Variants in CATSPERT observed in about 807,000 individuals in gnomAD.
CATSPERT encodes the protein catsper channel auxiliary subunit tau, also known as cation channel sperm-associated targeting subunit tau.
chr2:201,583,608 A>C, the CATSPERT span, among the ~76,000 whole-genome samples: 1 of 152,222 alleles, frequency 6.6e-6, no homozygotes, highest in African/African-American at 2.4e-5. Context: ...TTTAGTTGAA[A>C]ATGGTCCCAA....
the CATSPERT span, among the ~76,000 whole-genome samples, chr2:201,533,310 C>T: frequency 2.0e-5 from 3 of 152,188 alleles, no homozygotes. Flanking sequence ...TCACACTGAA[C>T]ATGGGCTGCA....
At chr2:201,513,471 A>G in the CATSPERT span, among the ~76,000 whole-genome samples, 3 of 152,212 alleles carry the variant, frequency 2.0e-5, no homozygotes, top group Admixed American at 6.5e-5. Flanking sequence ...ATGCTTACAC[A>G]CTATTAGTGG....
chr2:201,578,023 A>T, the CATSPERT span, among the ~76,000 whole-genome samples: 1 of 152,184 alleles, frequency 6.6e-6, no homozygotes, highest in African/African-American at 2.4e-5. Context: ...CAGCTAAAAA[A>T]TTAATTTATG....
the CATSPERT span, among the ~76,000 whole-genome samples, chr2:201,611,069 A>G: frequency 9.2e-5 from 14 of 152,200 alleles, no homozygotes; most frequent in Non-Finnish European, 5.9e-5. Flanking sequence ...GAATAAGACA[A>G]GAATGCCCAC....
At chr2:201,511,196 A>G in the CATSPERT span, among the ~76,000 whole-genome samples, 1 of 152,220 alleles carries the variant, frequency 6.6e-6, no homozygotes, top group African/African-American at 2.4e-5. Context: ...GCAAATTAGC[A>G]TATCTATTTT....
the CATSPERT span, chr2:201,603,214 G>A: frequency 1.2e-6 from 2 of 1,607,670 alleles, no homozygotes; most frequent in African/African-American, 2.7e-5. Context: ...TAAATCAAAA[G>A]AAAGGATACT....
At chr2:201,561,846 C>T in the CATSPERT span, among the ~76,000 whole-genome samples, 1 of 151,390 alleles carries the variant, frequency 6.6e-6, no homozygotes, top group Non-Finnish European at 1.5e-5. Flanking sequence ...TGCACTCCCG[C>T]CTGGGTGACA....
At chr2:201,601,690 TG>T in the CATSPERT span, 1 of 1,515,574 alleles carries the variant, frequency 6.6e-7, no homozygotes, top group Non-Finnish European at 8.9e-7. Flanking sequence ...GTAGAATATT[TG>T]GAACTATAAG....
chr2:201,541,534 TATATATA>T, the CATSPERT span, among the ~76,000 whole-genome samples: 4 of 15,954 alleles, frequency 2.5e-4, no homozygotes, highest in African/African-American at 4.8e-4. Context: ...GATGATTTTA[TATATATA>T]TATATATATA....
chr2:201,601,747 A>G, the CATSPERT span: 1 of 1,611,322 alleles, frequency 6.2e-7, no homozygotes, highest in Non-Finnish European at 8.5e-7. Context: ...ACCTGTACAG[A>G]AAAATACTTC....
chr2:201,526,454 G>C, the CATSPERT span, among the ~76,000 whole-genome samples: 1 of 152,128 alleles, frequency 6.6e-6, no homozygotes, highest in Non-Finnish European at 1.5e-5. Context: ...GGAGGCAGAG[G>C]CTGCAGTGAT....
the CATSPERT span, among the ~76,000 whole-genome samples, chr2:201,490,329 A>G: frequency 6.6e-6 from 1 of 152,238 alleles, no homozygotes; most frequent in Admixed American, 6.5e-5. Flanking sequence ...TAACTGGCAC[A>G]TGGGAGCTTC....
chr2:201,568,440 A>C, the CATSPERT span, among the ~76,000 whole-genome samples: 3 of 152,182 alleles, frequency 2.0e-5, no homozygotes, highest in Admixed American at 2.0e-4. Context: ...ACTGCTCCTG[A>C]TGGTCTTTAT....
At chr2:201,615,800 AG>A in the CATSPERT span, among the ~76,000 whole-genome samples, 1 of 152,260 alleles carries the variant, frequency 6.6e-6, no homozygotes, top group Non-Finnish European at 1.5e-5. Flanking sequence ...CAAAATTGAT[AG>A]ATCACTAGCA....
the CATSPERT span, among the ~76,000 whole-genome samples, chr2:201,512,783 C>T: frequency 0.025 from 3,810 of 151,918 alleles, 170 homozygotes; most frequent in African/African-American, 0.088. Context: ...TCTTAATTTC[C>T]CTGGAATAAA....
chr2:201,580,955 G>A, the CATSPERT span, among the ~76,000 whole-genome samples: 1 of 152,164 alleles, frequency 6.6e-6, no homozygotes, highest in Non-Finnish European at 1.5e-5. Flanking sequence ...ACCAAAATTT[G>A]TATTGCCAAC....
At chr2:201,578,518 A>G in the CATSPERT span, among the ~76,000 whole-genome samples, 2 of 152,130 alleles carry the variant, frequency 1.3e-5, no homozygotes, top group African/African-American at 4.8e-5. Flanking sequence ...GCAAATTTTT[A>G]ATTTCAGATA....
At chr2:201,497,561 T>C in the CATSPERT span, among the ~76,000 whole-genome samples, 1 of 152,232 alleles carries the variant, frequency 6.6e-6, no homozygotes, top group African/African-American at 2.4e-5. Context: ...ATTACAAGCA[T>C]GGACAAATGT....
the CATSPERT span, among the ~76,000 whole-genome samples, chr2:201,586,549 C>T: frequency 1.3e-5 from 2 of 151,884 alleles, no homozygotes; most frequent in Non-Finnish European, 2.9e-5. Flanking sequence ...GACTGTCAGA[C>T]TGGATATTTT....
Sources: gnomAD v4.1 joint callset for allele counts (sites outside exome capture counted in the v4.1 genomes callset) on GRCh38, gnomAD v4.1.1 for gene constraint, MANE v1.5 for transcripts, NCBI Gene and HGNC (gene_info 2026-07-23, HGNC 2026-07-21) for gene names.